The following HPSE2 variants were observed in gnomAD, a reference collection of about 807,000 sequenced individuals.
HPSE2 encodes heparanase 2 (inactive).
Under a neutral mutation model 60.5 loss-of-function variants are expected in HPSE2, and 38 were observed. That is an observed-to-expected ratio of 0.63 (90% CI 0.48 to 0.82). HPSE2 has a LOEUF of 0.82. HPSE2 is among the 40% of genes least tolerant of loss of function. The probability of loss-of-function intolerance (pLI) is 0.00; values close to 1 mark genes in which losing one functional copy is unlikely to be tolerated. For missense variants in HPSE2, 713 were observed against 740.4 expected (o/e 0.96, Z 0.43); for synonymous variants, 295 against 293.2 (o/e 1.01, Z -0.06).
intron 9 of HPSE2, among the ~76,000 whole-genome samples, chr10:98,533,192 G>C (rs1564945746): frequency 6.6e-6 from 1 of 152,182 alleles, no homozygotes; most frequent in African/African-American, 2.4e-5. Context: ...GGGCAGTGTG[G>C]GCAACAAAGA....
At position 98,457,198 on chromosome 10, in the gene HPSE2, A is replaced by C. The variant is rs1940084176; in HGVS notation, c.*2376T>G. On this transcript the variant is annotated 3_prime_UTR_variant, in exon 12 of 12. Coordinates refer to ENST00000370552, the MANE Select transcript of HPSE2 (RefSeq NM_021828.5). Reference sequence around the variant, plus strand: ...GAAGCAGGAATTACCCATATTCTGCAAGGTTTAGTAAAAAAAAATCAACAC... The same window carrying C: ...GAAGCAGGAATTACCCATATTCTGCCAGGTTTAGTAAAAAAAAATCAACAC... The C allele has an allele frequency of 5.3e-5, 8 of 151,464 alleles. No homozygotes were observed. The highest frequency in any genetic ancestry group is 5.2e-4 in the Admixed American group (8 of 15,266). The allele number at this position is 151,464 out of a possible 1,614,324, so 9.4% of individuals were successfully genotyped here.
At chr10:98,602,750 T>C (rs977256402) in intron 9 of HPSE2, among the ~76,000 whole-genome samples, 3 of 152,168 alleles carry the variant, frequency 2.0e-5, no homozygotes, top group Non-Finnish European at 4.4e-5. Flanking sequence ...CAACTGTATC[T>C]ACATGCAAAA....
At chr10:99,214,272 A>G (rs1352780624) in intron 2 of HPSE2, among the ~76,000 whole-genome samples, 1 of 152,226 alleles carries the variant, frequency 6.6e-6, no homozygotes, top group Non-Finnish European at 1.5e-5. Context: ...GTGAAATGGT[A>G]TAGCCATTGG....
At chr10:99,049,511 A>G (rs1401332222) in intron 3 of HPSE2, among the ~76,000 whole-genome samples, 1 of 152,142 alleles carries the variant, frequency 6.6e-6, no homozygotes, top group Non-Finnish European at 1.5e-5. Flanking sequence ...AACTTTTGAA[A>G]GCAAGAGAAA....
intron 3 of HPSE2, among the ~76,000 whole-genome samples, chr10:98,999,653 A>C (rs1306892393): frequency 6.6e-6 from 1 of 152,152 alleles, no homozygotes; most frequent in Non-Finnish European, 1.5e-5. Context: ...AAAGCATTTT[A>C]GGTAGGCAGA....
At chr10:98,946,545 C>T (rs1466380638) in intron 3 of HPSE2, among the ~76,000 whole-genome samples, 2 of 149,486 alleles carry the variant, frequency 1.3e-5, no homozygotes, top group African/African-American at 4.9e-5. Context: ...AAAATGAGAA[C>T]AGCAGAGGAA....
intron 3 of HPSE2, among the ~76,000 whole-genome samples, chr10:98,848,278 CATG>C (rs1367792868): frequency 6.6e-6 from 1 of 152,088 alleles, no homozygotes; most frequent in Non-Finnish European, 1.5e-5. Flanking sequence ...ATTATCCAGG[CATG>C]GTGGTATGAG....
At chr10:98,467,501 A>AGGGGGAGAGAAAGGAGGAGGGGC (rs1201684819) in intron 11 of HPSE2, among the ~76,000 whole-genome samples, 1 of 151,796 alleles carries the variant, frequency 6.6e-6, no homozygotes, top group East Asian at 1.9e-4. Context: ...GAGAGAGGGA[A>AGGGGGAGAGAAAGGAGGAGGGGC]GGGGGAGAGA....
intron 2 of HPSE2, among the ~76,000 whole-genome samples, chr10:99,222,079 A>C (rs1272809953): frequency 6.6e-6 from 1 of 152,088 alleles, no homozygotes; most frequent in South Asian, 2.1e-4. Flanking sequence ...ATTTAGCCCT[A>C]TTTACAAGCA....
intron 3 of HPSE2, among the ~76,000 whole-genome samples, chr10:99,124,155 C>G (rs1052100642): frequency 6.6e-6 from 1 of 152,188 alleles, no homozygotes; most frequent in East Asian, 1.9e-4. Flanking sequence ...GGAGAGGAGA[C>G]CTGGAGTGGG....
intron 3 of HPSE2, among the ~76,000 whole-genome samples, chr10:99,045,802 G>A (rs1274393557): frequency 6.6e-6 from 1 of 152,088 alleles, no homozygotes; most frequent in Admixed American, 6.5e-5. Context: ...TTGAAACCCT[G>A]AATGGACCAA....
At chr10:99,260,797 G>A in the HPSE2 span, among the ~76,000 whole-genome samples, 1 of 152,126 alleles carries the variant, frequency 6.6e-6, no homozygotes, top group Non-Finnish European at 1.5e-5. Flanking sequence ...CCTTCTCCGT[G>A]TCTCTGCCTT....
Position 99,132,461 on chromosome 10 carries a change from G to A in HPSE2, c.610+11777C>T, listed in dbSNP as rs112442457. Among the ~76,000 whole-genome samples the A allele has an allele frequency of 2.1e-3, 313 of 152,206 alleles. 2 individuals are homozygous for A. Among genetic ancestry groups the A allele is most frequent in the African/African-American group, 7.3e-3 (303 of 41,538 alleles). ...ATGGGGGATTGCTGGCAAGATGGCCGAATAGGAGAAGCTCCAGTCTGCATC... is the reference window on the plus strand; with the variant it reads ...ATGGGGGATTGCTGGCAAGATGGCCAAATAGGAGAAGCTCCAGTCTGCATC... On this transcript the variant is annotated intron_variant, in intron 3 of 11. Transcript: ENST00000370552.
chr10:98,710,647 C>T (rs919696083), intron 5 of HPSE2, among the ~76,000 whole-genome samples: 1 of 152,136 alleles, frequency 6.6e-6, no homozygotes, highest in African/African-American at 2.4e-5. Context: ...TATTTTACAA[C>T]TCTGTAAGGT....
the HPSE2 span, among the ~76,000 whole-genome samples, chr10:99,243,245 C>A: frequency 6.6e-6 from 1 of 151,528 alleles, no homozygotes; most frequent in African/African-American, 2.4e-5. Context: ...CCCAGCTACT[C>A]GGGAGGCTGA....
At chr10:98,771,482 T>A (rs377075880) in intron 3 of HPSE2, among the ~76,000 whole-genome samples, 31 of 152,112 alleles carry the variant, frequency 2.0e-4, no homozygotes, top group African/African-American at 7.0e-4. Context: ...CAACAGTTGA[T>A]CCCTTTGGGA....
intron 3 of HPSE2, among the ~76,000 whole-genome samples, chr10:98,820,975 C>T (rs1189014929): frequency 6.6e-6 from 1 of 152,194 alleles, no homozygotes; most frequent in East Asian, 1.9e-4. Context: ...CACTGCAATA[C>T]TCTTAATCCA....
At chr10:99,152,618 G>C (rs1170593183) in intron 2 of HPSE2, among the ~76,000 whole-genome samples, 1 of 152,168 alleles carries the variant, frequency 6.6e-6, no homozygotes, top group Non-Finnish European at 1.5e-5. Context: ...AAAAGAAGCT[G>C]TATTTGAGTA....
rs185254065 is a variant in HPSE2 at position 98,514,975 on chromosome 10, C to T, written c.1321-24779G>A. 1.3e-3 allele frequency among the ~76,000 whole-genome samples: 194 copies of T among 152,150 alleles called. 1 individual carries two copies. The highest frequency in any genetic ancestry group is 4.3e-3 in the African/African-American group (178 of 41,524). On this transcript the variant is annotated intron_variant, in intron 9 of 11. Coordinates refer to ENST00000370552, the MANE Select transcript of HPSE2 (RefSeq NM_021828.5). ...CTGACCTCAGGCAATCCGCCCGCCT[C>T]GGCCTCCCAAAGTGCTGGGATTACA...
Sources: gnomAD v4.1 joint callset for allele counts (sites outside exome capture counted in the v4.1 genomes callset) on GRCh38, gnomAD v4.1.1 for gene constraint, MANE v1.5 for transcripts, NCBI Gene and HGNC (gene_info 2026-07-23, HGNC 2026-07-21) for gene names.